Variants in DGKA observed in about 807,000 individuals in gnomAD.
The protein encoded by DGKA is diacylglycerol kinase alpha, also known as 80 kDa diacylglycerol kinase.
In DGKA, 35 loss-of-function variants were observed where a neutral mutation model predicts 105.0. The observed-to-expected ratio is 0.33, with a 90% confidence interval of 0.25 to 0.44. The LOEUF is 0.44. Among genes scored for constraint, DGKA ranks in the 20% least tolerant of loss-of-function variants. The pLI is 1.00. For missense variants in DGKA, 665 were observed against 915.0 expected (o/e 0.73, Z 3.53); for synonymous variants, 296 against 332.0 (o/e 0.89, Z 1.18).
chr12:55,950,724 A>G (rs902584664), intron 17 of DGKA, among the ~76,000 whole-genome samples: 3 of 151,838 alleles, frequency 2.0e-5, no homozygotes, highest in Non-Finnish European at 4.4e-5. Context: ...TACAGGAGTG[A>G]GCCACTGTGC....
chr12:55,936,257 GCA>G, intron 1 of DGKA, 164 bp from the exon 2 acceptor site: 1 of 742,846 alleles, frequency 1.3e-6, no homozygotes, highest in South Asian at 2.3e-5. Flanking sequence ...GAAGGTAGAG[GCA>G]TAGGGAAGAG....
upstream of DGKA, among the ~76,000 whole-genome samples, chr12:55,930,004 G>A (rs1259850993): frequency 1.3e-5 from 2 of 152,222 alleles, no homozygotes; most frequent in Admixed American, 6.5e-5. Flanking sequence ...TCTTTGCAAG[G>A]AAAGCTGAGT....
At chr12:55,927,359 G>T, upstream of DGKA, 1 of 725,866 alleles carries the variant, frequency 1.4e-6, no homozygotes. Flanking sequence ...TCCTCAGGGA[G>T]CCAAGAGAAG....
In DGKA at chr12:55,939,273, G is replaced by A. The variant is rs1885403337; in HGVS notation, c.562G>A (p.Val188Met). The change falls in exon 8 of 24, where the codon GTG becomes ATG. Residue 188 changes from valine (V) to methionine (M), a missense_variant. Val to Met is a conservative substitution (Grantham distance 21). Coordinates refer to ENST00000331886, the MANE Select transcript of DGKA (RefSeq NM_001345.5). ...AEWVRAGATT[V>M]PLLVLLGLEM... ...GTGGGTCCGGGCTGGGGCCACCACC[G>A]TGCCACTGCTAGTGCTGCTGGGTCT... The A allele has an allele frequency of 6.8e-6, 11 of 1,614,178 alleles. No homozygotes were observed. Among genetic ancestry groups the A allele is most frequent in the East Asian group, 2.2e-5 (1 of 44,892 alleles).
intron 5 of DGKA, 142 bp from the exon 6 acceptor site, chr12:55,938,369 G>T: frequency 1.9e-6 from 2 of 1,036,718 alleles, no homozygotes; most frequent in Admixed American, 2.2e-5. Context: ...TTTCCTTTTT[G>T]TCTCTCTCTC....
chr12:55,952,636 A>C lies in DGKA; in HGVS notation c.1744-98A>C. On this transcript the variant is annotated intron_variant, in intron 20 of 23. Coordinates refer to ENST00000331886, the MANE Select transcript of DGKA (RefSeq NM_001345.5). The surrounding 1 kb of genome is among the most constrained non-coding windows in gnomAD (Gnocchi z 5.1). ...CACACCTCCAAATCCTGCCTTCTCCAGTTTGTCATCTGGTGGAGGGAGCGA... is the reference window on the plus strand; with the variant it reads ...CACACCTCCAAATCCTGCCTTCTCCCGTTTGTCATCTGGTGGAGGGAGCGA... The C allele has an allele frequency of 7.0e-7, 1 of 1,427,066 alleles. No homozygotes were observed. Among genetic ancestry groups the C allele is most frequent in the Admixed American group, 1.7e-5 (1 of 58,190 alleles). The allele number at this position is 1,427,066 out of a possible 1,614,324, so 88.4% of individuals were successfully genotyped here.
chr12:55,953,714 C>A lies in DGKA; in HGVS notation c.2154C>A (p.Pro718=), dbSNP rs144339099. ...AGATCACCCACAAGAACCAGATGCC[C>A]ATGCTCATGGGCCCACCCCCCCGCT... ...TIKITHKNQM[P]MLMGPPPRST... is the part of the protein sequence containing the mutation. The change falls in exon 24 of 24, where the codon CCC becomes CCA. Residue 718 remains proline (P), a synonymous_variant. Transcript: ENST00000331886. 19 of 1,614,048 alleles carry A rather than the reference C, an allele frequency of 1.2e-5. No homozygotes were observed. The highest frequency in any genetic ancestry group is 1.5e-5 in the Non-Finnish European group (18 of 1,180,048).
rs1884897870 is a variant in DGKA at position 55,937,067 on chromosome 12, A to G, written c.115A>G (p.Met39Val). The change falls in exon 3 of 24, where the codon ATG becomes GTG. Residue 39 changes from methionine (M) to valine (V), a missense_variant. Transcript: ENST00000331886. ...CCTAAAGCTCTTCGAGGATGGCGAG[A>G]TGGCTAAATATGTCCAAGGAGATGT... is the stretch of plus-strand genomic sequence containing the variant. ...DVLKLFEDGEMAKYVQGDAIG... is the reference protein window; with the variant it reads ...DVLKLFEDGEVAKYVQGDAIG... 1 of 1,614,048 alleles carries G rather than the reference A, an allele frequency of 6.2e-7. No individual in the cohort carries two copies.
intron 17 of DGKA, among the ~76,000 whole-genome samples, chr12:55,945,662 C>T (rs1886841345): frequency 1.3e-5 from 2 of 152,180 alleles, no homozygotes; most frequent in Admixed American, 1.3e-4. Flanking sequence ...ATCACTCCAA[C>T]CCCTGCTTCC....
At chr12:55,928,928 G>A (rs998304122), upstream of DGKA, among the ~76,000 whole-genome samples, 2 of 151,868 alleles carry the variant, frequency 1.3e-5, no homozygotes, top group African/African-American at 4.8e-5. Context: ...GGCCCAGGTG[G>A]GCAGATCACT....
rs11835230 is a variant in DGKA at position 55,935,956 on chromosome 12, G to T, written c.-81-467G>T. 2.8e-3 allele frequency: 2,740 copies of T among 987,250 alleles called. 74 individuals carry two copies. The African/African-American group carries it at 0.045, about 16-fold the overall frequency. 61.2% of individuals were successfully genotyped at this position (987,250 alleles called of 1,614,324 possible). The stretch of plus-strand genomic sequence containing the variant: ...GTCATGGCCAGGAAGACGCGCTAAC[G>T]CAGTAAGAGTCACTCAGAGGGCCGG... On this transcript the variant is annotated intron_variant, in intron 1 of 23. Transcript: ENST00000331886.
chr12:55,927,899 C>T, upstream of DGKA: 2 of 1,160,640 alleles, frequency 1.7e-6, no homozygotes, highest in South Asian at 1.6e-5. Flanking sequence ...CTGAGTGCCT[C>T]CTCGGGCTGG....
intron 18 of DGKA, 35 bp downstream of exon 18, chr12:55,951,818 G>A (rs1055277172): frequency 1.2e-6 from 2 of 1,603,944 alleles, no homozygotes; most frequent in Non-Finnish European, 8.5e-7. Flanking sequence ...AAGGGAGAAA[G>A]GGGGGGCCAA....
At position 55,932,623 on chromosome 12, in the gene DGKA, CA is replaced by C; in HGVS notation, c.-82+1280del. On this transcript the variant is annotated intron_variant, in intron 1 of 23. Coordinates refer to ENST00000331886, the MANE Select transcript of DGKA (RefSeq NM_001345.5). The surrounding 1 kb of genome is among the most constrained non-coding windows in gnomAD (Gnocchi z 4.3). ...ACTGGGCATCTCTTCAGCCTCAGCA[CA>C]GACAAGCCCACATCCCCCAACCATG... is the stretch of plus-strand genomic sequence containing the variant. 1 of 702,216 alleles carries C rather than the reference CA, an allele frequency of 1.4e-6. No homozygotes were observed. 43.5% of individuals were successfully genotyped at this position (702,216 alleles called of 1,614,324 possible). A position where few individuals can be genotyped will look rare whatever the true frequency, so the allele number is the denominator to read the frequency against.
At chr12:55,938,846 T>A in intron 6 of DGKA, 69 bp from the exon 7 acceptor site, 2 of 1,600,058 alleles carry the variant, frequency 1.2e-6, no homozygotes, top group Non-Finnish European at 1.7e-6. Flanking sequence ...GAACACTGAT[T>A]TCTGGAAAAG....
intron 5 of DGKA, 89 bp from the exon 6 acceptor site, chr12:55,938,422 C>G: frequency 6.5e-7 from 1 of 1,549,686 alleles, no homozygotes; most frequent in Non-Finnish European, 8.9e-7. Context: ...AAAGCTCTCT[C>G]CCTGTCTCTT....
At chr12:55,938,194 C>T (rs1885153809) in intron 5 of DGKA, 142 bp downstream of exon 5, 1 of 765,954 alleles carries the variant, frequency 1.3e-6, no homozygotes, top group Admixed American at 2.4e-5. Context: ...AGCCCATTTC[C>T]TGTGTTCTCC....
chr12:55,932,402 GA>G lies in DGKA; in HGVS notation c.-82+1059del. ...AGCCCGGTTCCTGGGACCCGACTCG[GA>G]GGGAAGTCCTCTTCGGAACCTCCAC... On this transcript the variant is annotated intron_variant, in intron 1 of 23. Coordinates refer to ENST00000331886, the MANE Select transcript of DGKA (RefSeq NM_001345.5). This position sits in a 1 kb window ranked among gnomAD's most constrained non-coding sequence, Gnocchi z 4.3. 1 of 611,698 alleles carries G rather than the reference GA, an allele frequency of 1.6e-6. No individual in the cohort carries two copies. The highest frequency in any genetic ancestry group is 3.0e-6 in the Non-Finnish European group (1 of 337,584). 37.9% of individuals were successfully genotyped at this position (611,698 alleles called of 1,614,324 possible). A position where few individuals can be genotyped will look rare whatever the true frequency, so the allele number is the denominator to read the frequency against.
At chr12:55,945,859 G>A (rs1243914253) in intron 17 of DGKA, among the ~76,000 whole-genome samples, 2 of 151,104 alleles carry the variant, frequency 1.3e-5, no homozygotes, top group Non-Finnish European at 2.9e-5. Flanking sequence ...GCACAATCTC[G>A]GCTCATTGCA....
Sources: gnomAD v4.1 joint callset for allele counts (sites outside exome capture counted in the v4.1 genomes callset) on GRCh38, gnomAD v4.1.1 for gene constraint, Gnocchi (gnomAD v3.1) non-coding constraint, MANE v1.5 for transcripts, NCBI Gene and HGNC (gene_info 2026-07-23, HGNC 2026-07-21) for gene names.